LPGAT1: variants seen among roughly 807,000 people sequenced by gnomAD.
LPGAT1 encodes the protein acyl-CoA:lysophosphatidylglycerol acyltransferase 1.
A neutral mutation model predicts 47.5 loss-of-function variants in LPGAT1; 11 were observed. The observed-to-expected ratio is 0.23, with a 90% CI of 0.15 to 0.38. LPGAT1 has a LOEUF of 0.38. LPGAT1 is among the 10% of genes least tolerant of loss of function. LPGAT1 has a pLI of 1.00. For missense variants in LPGAT1, 293 were observed against 439.0 expected (o/e 0.67, Z 2.97); for synonymous variants, 138 against 144.2 (o/e 0.96, Z 0.31).
intron 6 of LPGAT1, among the ~76,000 whole-genome samples, chr1:211,759,947 G>A (rs901778540): frequency 1.2e-4 from 19 of 152,176 alleles, no homozygotes; most frequent in African/African-American, 4.6e-4. Context: ...AATTTTGAAA[G>A]ATATTGCTAT....
At chr1:211,824,440 T>A (rs1660469867) in intron 2 of LPGAT1, among the ~76,000 whole-genome samples, 1 of 152,094 alleles carries the variant, frequency 6.6e-6, no homozygotes, top group Non-Finnish European at 1.5e-5. Context: ...ACTTACTGAG[T>A]ACTCTGTGAG....
intron 2 of LPGAT1, among the ~76,000 whole-genome samples, chr1:211,813,648 A>C (rs562681470): frequency 1.3e-5 from 2 of 152,376 alleles, no homozygotes; most frequent in Non-Finnish European, 2.9e-5. Flanking sequence ...ACTAATGACA[A>C]GAATGGAATT....
chr1:211,810,716 CACAGAAG>C (rs139054197), intron 2 of LPGAT1, among the ~76,000 whole-genome samples: 3,261 of 151,796 alleles, frequency 0.021, 36 homozygotes, highest in Non-Finnish European at 0.024. Context: ...ATGTACGTAC[CACAGAAG>C]CTAGGAAAAG....
intron 1 of LPGAT1, chr1:211,829,669 A>C (rs1571778469): frequency 5.6e-6 from 6 of 1,066,718 alleles, no homozygotes; most frequent in Non-Finnish European, 6.8e-6. Context: ...CGCTTCAGAC[A>C]ACCTCAGGAT....
At chr1:211,764,172 C>CAAAAAA (rs11412742) in intron 6 of LPGAT1, among the ~76,000 whole-genome samples, 1 of 132,482 alleles carries the variant, frequency 7.5e-6, no homozygotes. Context: ...GACTCCATCT[C>CAAAAAA]AAAAAAAAAA....
rs1475069248 is a variant in LPGAT1 at position 211,745,037 on chromosome 1, A to G, written c.*4862T>C. On this transcript the variant is annotated 3_prime_UTR_variant, in exon 8 of 8. Coordinates refer to ENST00000366997, the MANE Select transcript of LPGAT1 (RefSeq NM_014873.3). ...AGGTTTAAAAAAAATAGAACCAGCT[A>G]TTAATTTTTGTTGAGAAAATGCTTC... 3.3e-5 allele frequency: 5 copies of G among 152,652 alleles called. No individual in the cohort carries two copies. Among genetic ancestry groups the G allele is most frequent in the African/African-American group, 1.2e-4 (5 of 41,464 alleles). The allele number at this position is 152,652 out of a possible 1,614,324, so 9.5% of individuals were successfully genotyped here.
chr1:211,782,202 G>A (rs1176456898), intron 5 of LPGAT1, among the ~76,000 whole-genome samples: 2 of 152,168 alleles, frequency 1.3e-5, no homozygotes, highest in African/African-American at 4.8e-5. Flanking sequence ...TGTAACAGCT[G>A]TGTTGTATTC....
At chr1:211,779,625 C>T (rs898119737) in intron 5 of LPGAT1, among the ~76,000 whole-genome samples, 2 of 151,978 alleles carry the variant, frequency 1.3e-5, no homozygotes, top group Admixed American at 6.6e-5. Context: ...CAGAGGTGGG[C>T]GGATCACCTG....
intron 3 of LPGAT1, among the ~76,000 whole-genome samples, chr1:211,790,743 C>A (rs1659076816): frequency 6.6e-6 from 1 of 152,148 alleles, no homozygotes; most frequent in Non-Finnish European, 1.5e-5. Context: ...ACCAAACTTT[C>A]TTTTGTCCAC....
intron 2 of LPGAT1, among the ~76,000 whole-genome samples, chr1:211,805,115 G>A (rs1399629113): frequency 2.0e-5 from 3 of 147,254 alleles, no homozygotes; most frequent in East Asian, 2.0e-4. Context: ...TCAATGAAAT[G>A]AAAAAAAAAA....
chr1:211,799,439 A>G (rs1659479007), intron 2 of LPGAT1, among the ~76,000 whole-genome samples: 1 of 152,240 alleles, frequency 6.6e-6, no homozygotes, highest in South Asian at 2.1e-4. Context: ...AAAATGAGGC[A>G]CAAAAGGTTA....
At chr1:211,824,640 A>AT (rs1660479060) in intron 2 of LPGAT1, among the ~76,000 whole-genome samples, 1 of 152,220 alleles carries the variant, frequency 6.6e-6, no homozygotes, top group African/African-American at 2.4e-5. Flanking sequence ...GACTGCACTT[A>AT]TAGTAAAAAA....
chr1:211,814,112 C>G (rs1159671922), intron 2 of LPGAT1, among the ~76,000 whole-genome samples: 1 of 152,128 alleles, frequency 6.6e-6, no homozygotes, highest in Non-Finnish European at 1.5e-5. Context: ...TTAATCAAAA[C>G]AGCAGCCACA....
chr1:211,781,320 T>C (rs1658634833), intron 5 of LPGAT1, among the ~76,000 whole-genome samples: 1 of 152,202 alleles, frequency 6.6e-6, no homozygotes, highest in South Asian at 2.1e-4. Context: ...CCCCTACATT[T>C]GAGATCTAGA....
At chr1:211,824,152 C>T (rs1332001941) in intron 2 of LPGAT1, among the ~76,000 whole-genome samples, 1 of 152,086 alleles carries the variant, frequency 6.6e-6, no homozygotes, top group African/African-American at 2.4e-5. Context: ...AATCCCAGCA[C>T]TGTGGGAGCC....
chr1:211,809,092 C>A (rs1659869600), intron 2 of LPGAT1, among the ~76,000 whole-genome samples: 1 of 151,700 alleles, frequency 6.6e-6, no homozygotes, highest in Admixed American at 6.6e-5. Context: ...ATAGTCCCAA[C>A]TACTCGGAAG....
intron 6 of LPGAT1, among the ~76,000 whole-genome samples, chr1:211,753,249 G>T (rs896487389): frequency 6.6e-6 from 1 of 152,090 alleles, no homozygotes; most frequent in Non-Finnish European, 1.5e-5. Flanking sequence ...ACATCCTTTA[G>T]CAGTTTCTTG....
chr1:211,817,812 TAACA>T (rs1660228871), intron 2 of LPGAT1, among the ~76,000 whole-genome samples: 2 of 152,140 alleles, frequency 1.3e-5, no homozygotes, highest in Non-Finnish European at 2.9e-5. Flanking sequence ...TTGAGATTAC[TAACA>T]AACTTTCAGG....
chr1:211,815,531 G>A (rs1226028919), intron 2 of LPGAT1, among the ~76,000 whole-genome samples: 3 of 152,108 alleles, frequency 2.0e-5, no homozygotes, highest in Non-Finnish European at 4.4e-5. Context: ...CTTCTCTTGA[G>A]TCCATTTCTA....
Sources: allele counts gnomAD v4.1 joint callset (sites outside exome capture counted in the v4.1 genomes callset), GRCh38; gene constraint gnomAD v4.1.1; transcripts MANE v1.5; gene names NCBI Gene and HGNC (gene_info 2026-07-23, HGNC 2026-07-21).